Variants in ANK2 observed in about 807,000 individuals in gnomAD.
The protein encoded by ANK2 is ankyrin 2, also known as ankyrin-2.
A neutral mutation model predicts 360.5 loss-of-function variants in ANK2; 83 were observed. That is an observed-to-expected ratio of 0.23 (90% CI 0.19 to 0.28). ANK2 has a LOEUF of 0.28. ANK2 is among the 10% of genes least tolerant of loss of function. The pLI, the probability that ANK2 is intolerant of heterozygous loss-of-function variation, is 1.00. For missense variants in ANK2, 4,201 were observed against 4,795.7 expected, an observed-to-expected ratio of 0.88 and a Z score of 3.66; for synonymous variants, 1,740 against 1,759.5, an observed-to-expected ratio of 0.99 and a Z score of 0.28.
intron 45 of ANK2, among the ~76,000 whole-genome samples, chr4:113,379,820 A>G (rs2097105169): frequency 6.6e-6 from 1 of 152,216 alleles, no homozygotes; most frequent in African/African-American, 2.4e-5. Context: ...TTTTAGCTGA[A>G]GTAAGTTATT....
chr4:113,109,517 A>C (rs1420249379), intron 1 of ANK2, among the ~76,000 whole-genome samples: 1 of 152,164 alleles, frequency 6.6e-6, no homozygotes, highest in East Asian at 1.9e-4. Flanking sequence ...GTCTCAGATG[A>C]CTGTGAAGAG....
chr4:112,820,145 C>G (rs2056585604), intron 1 of ANK2, among the ~76,000 whole-genome samples: 1 of 152,176 alleles, frequency 6.6e-6, no homozygotes, highest in Non-Finnish European at 1.5e-5. Flanking sequence ...GAAAATTATC[C>G]ATTTTTCCAT....
chr4:112,816,985 T>C (rs2055706389), upstream of ANK2, among the ~76,000 whole-genome samples: 1 of 152,178 alleles, frequency 6.6e-6, no homozygotes, highest in Admixed American at 6.5e-5. Flanking sequence ...CACTTCAGCC[T>C]GGGGGACAGA....
Position 113,382,692 on chromosome 4 carries a change from G to C in ANK2, c.*1221G>C, listed in dbSNP as rs375692026. 6.7e-6 allele frequency: 1 copy of C among 150,308 alleles called. No homozygotes were observed. Among genetic ancestry groups the C allele is most frequent in the Non-Finnish European group, 1.5e-5 (1 of 67,754 alleles). The allele number at this position is 150,308 out of a possible 1,614,324, so 9.3% of individuals were successfully genotyped here. A position where few individuals can be genotyped will look rare whatever the true frequency, so the allele number is the denominator to read the frequency against. The stretch of plus-strand genomic sequence containing the variant: ...ATCTTCTCTAATACCTGCATGTGGC[G>C]TTTAAAAATCAAGACCACGGTCAAA... On this transcript the variant is annotated 3_prime_UTR_variant, in exon 46 of 46. Transcript: ENST00000357077.
In ANK2 at chr4:113,354,931, C is replaced by A. The variant is rs1457345261; in HGVS notation, c.6313C>A (p.His2105Asn). The A allele has an allele frequency of 6.2e-7, 1 of 1,613,904 alleles. No individual in the cohort carries two copies. The highest frequency in any genetic ancestry group is 2.2e-5 in the East Asian group (1 of 44,880). The change falls in exon 38 of 46, where the codon CAC becomes AAC. Residue 2105 changes from histidine (H) to asparagine (N), a missense_variant. Coordinates refer to ENST00000357077, the MANE Select transcript of ANK2 (RefSeq NM_001148.6). ...TCAGTCAGTGCCTGAAGAAGAAAGC[C>A]ACAGAGAGAGCGAAGTGCCCAAAGA... ...PVQSVPEEESHRESEVPKEKM... is the reference protein window; with the variant it reads ...PVQSVPEEESNRESEVPKEKM...
chr4:112,717,073 T>C, the ANK2 span, among the ~76,000 whole-genome samples: 3 of 152,366 alleles, frequency 2.0e-5, no homozygotes, highest in South Asian at 6.2e-4. Flanking sequence ...TTTTCAATGC[T>C]TTATTTCACT....
chr4:112,800,216 G>C, the ANK2 span, among the ~76,000 whole-genome samples: 6 of 152,194 alleles, frequency 3.9e-5, no homozygotes, highest in Middle Eastern at 6.3e-3. Flanking sequence ...GAGTCAGCAG[G>C]ATATGATAGG....
chr4:112,738,956 C>G, the ANK2 span: 2 of 709,474 alleles, frequency 2.8e-6, no homozygotes, highest in Admixed American at 3.6e-5. Flanking sequence ...CATCAAGGAG[C>G]TGGAAGTGCT....
chr4:113,166,822 T>C (rs2097769341), intron 1 of ANK2, among the ~76,000 whole-genome samples: 1 of 152,170 alleles, frequency 6.6e-6, no homozygotes, highest in Admixed American at 6.5e-5. Flanking sequence ...TTCTTGAATT[T>C]GTAGTAAACA....
chr4:112,750,435 ATACT>A, the ANK2 span, among the ~76,000 whole-genome samples: 3 of 152,326 alleles, frequency 2.0e-5, no homozygotes, highest in South Asian at 4.1e-4. Flanking sequence ...AGATACACAA[ATACT>A]TACCATTGTG....
At chr4:113,295,472 G>A (rs1182362827) in intron 22 of ANK2, among the ~76,000 whole-genome samples, 14 of 152,112 alleles carry the variant, frequency 9.2e-5, no homozygotes, top group Admixed American at 9.2e-4. Context: ...TGTAATTGCT[G>A]TCTCAGTGTC....
intron 2 of ANK2, among the ~76,000 whole-genome samples, chr4:112,937,083 C>T (rs113152246): frequency 5.9e-5 from 9 of 152,226 alleles, no homozygotes; most frequent in South Asian, 4.1e-4. Flanking sequence ...TGAGCCATCA[C>T]GCCTGGCCTA....
intron 4 of ANK2, among the ~76,000 whole-genome samples, chr4:113,203,579 A>G (rs2098889179): frequency 6.6e-6 from 1 of 152,176 alleles, no homozygotes; most frequent in South Asian, 2.1e-4. Context: ...ATATGCATGT[A>G]TACTCTTTAT....
the ANK2 span, among the ~76,000 whole-genome samples, chr4:112,786,320 T>A: frequency 2.0e-5 from 3 of 151,058 alleles, no homozygotes; most frequent in African/African-American, 7.3e-5. Context: ...TGGGTATAGA[T>A]CTCCATCATT....
chr4:112,777,686 C>T, the ANK2 span, among the ~76,000 whole-genome samples: 10 of 148,838 alleles, frequency 6.7e-5, no homozygotes, highest in Non-Finnish European at 1.3e-4. Context: ...GGCACGATCT[C>T]GGCTCACTGC....
chr4:113,060,460 C>T (rs1381066184), intron 1 of ANK2, among the ~76,000 whole-genome samples: 1 of 151,964 alleles, frequency 6.6e-6, no homozygotes, highest in Non-Finnish European at 1.5e-5. Flanking sequence ...TTTAAAAAAA[C>T]CCTTCCTGCT....
At chr4:113,082,335 CACT>C (rs1356048967) in intron 1 of ANK2, among the ~76,000 whole-genome samples, 1 of 151,898 alleles carries the variant, frequency 6.6e-6, no homozygotes, top group African/African-American at 2.4e-5. Flanking sequence ...AGTGGGGTCT[CACT>C]ATATTGCCCA....
At chr4:112,759,936 T>C in the ANK2 span, among the ~76,000 whole-genome samples, 1 of 152,170 alleles carries the variant, frequency 6.6e-6, no homozygotes, top group Non-Finnish European at 1.5e-5. Context: ...CACAGCATAG[T>C]AGGGCTGGAA....
intron 2 of ANK2, among the ~76,000 whole-genome samples, chr4:113,035,671 A>G (rs1314013782): frequency 6.6e-6 from 1 of 151,924 alleles, no homozygotes. Flanking sequence ...ATGAAGAATA[A>G]AAATACAACT....
Sources: gnomAD v4.1 joint callset for allele counts (sites outside exome capture counted in the v4.1 genomes callset) on GRCh38, gnomAD v4.1.1 for gene constraint, MANE v1.5 for transcripts, NCBI Gene and HGNC (gene_info 2026-07-23, HGNC 2026-07-21) for gene names.